STK40: variants seen among roughly 807,000 people sequenced by gnomAD.
The protein encoded by STK40 is serine/threonine kinase 40.
Under a neutral mutation model 47.9 loss-of-function variants are expected in STK40, and 13 were observed. That is an observed-to-expected ratio of 0.27 (90% CI 0.18 to 0.43). The LOEUF is 0.43. Among genes scored for constraint, STK40 ranks in the 20% least tolerant of loss-of-function variants. The pLI, the probability that STK40 is intolerant of heterozygous loss-of-function variation, is 1.00. For missense variants in STK40, 460 were observed against 595.1 expected, an observed-to-expected ratio of 0.77 and a Z score of 2.36; for synonymous variants, 225 against 243.2, an observed-to-expected ratio of 0.93 and a Z score of 0.69.
chr1:36,357,387 G>C (rs1005002057), intron 4 of STK40, among the ~76,000 whole-genome samples: 1 of 152,204 alleles, frequency 6.6e-6, no homozygotes, highest in Non-Finnish European at 1.5e-5. Flanking sequence ...TGGATGCTCA[G>C]CTGAGGAATG....
chr1:36,354,283 C>A, intron 6 of STK40, 81 bp downstream of exon 6: 2 of 1,499,522 alleles, frequency 1.3e-6, no homozygotes. Flanking sequence ...CATGAGGACA[C>A]TTCAGGGCAC....
chr1:36,377,774 C>T (rs1226831172), intron 1 of STK40, among the ~76,000 whole-genome samples: 2 of 152,106 alleles, frequency 1.3e-5, no homozygotes, highest in African/African-American at 4.8e-5. Flanking sequence ...CTGCCTGCCC[C>T]CTGGCATCCA....
chr1:36,369,493 C>A (rs1352558055), intron 1 of STK40, among the ~76,000 whole-genome samples: 1 of 152,138 alleles, frequency 6.6e-6, no homozygotes, highest in South Asian at 2.1e-4. Flanking sequence ...TTTATATGCA[C>A]CCTAAATCCA....
intron 5 of STK40, among the ~76,000 whole-genome samples, chr1:36,354,806 C>T (rs1251420960): frequency 6.6e-6 from 1 of 152,186 alleles, no homozygotes; most frequent in Non-Finnish European, 1.5e-5. Context: ...ACAGAAGCGG[C>T]ACACCGGGAA....
intron 7 of STK40, among the ~76,000 whole-genome samples, chr1:36,345,058 C>G (rs974347656): frequency 1.3e-5 from 2 of 152,238 alleles, no homozygotes; most frequent in African/African-American, 4.8e-5. Context: ...TCAGGGCAAC[C>G]TGTCCACCCA....
At chr1:36,345,476 T>C (rs1646691223) in intron 7 of STK40, among the ~76,000 whole-genome samples, 1 of 152,190 alleles carries the variant, frequency 6.6e-6, no homozygotes, top group South Asian at 2.1e-4. Flanking sequence ...GGTAGTTCTG[T>C]GGAAGATGAG....
At chr1:36,383,055 T>C (rs1005431153) in intron 1 of STK40, among the ~76,000 whole-genome samples, 5 of 152,108 alleles carry the variant, frequency 3.3e-5, no homozygotes, top group Admixed American at 3.3e-4. Flanking sequence ...TTCAAGAGAT[T>C]CTCCTGTCTC....
intron 4 of STK40, among the ~76,000 whole-genome samples, chr1:36,356,184 T>C (rs1646802313): frequency 6.6e-6 from 1 of 152,182 alleles, no homozygotes. Flanking sequence ...GCTTAGGTCA[T>C]GCACTGCCAG....
intron 2 of STK40, among the ~76,000 whole-genome samples, chr1:36,360,427 G>T (rs1646841329): frequency 6.6e-6 from 1 of 152,184 alleles, no homozygotes; most frequent in South Asian, 2.1e-4. Flanking sequence ...ATAAATTTGG[G>T]GGGCTATACA....
At chr1:36,352,724 G>A (rs1438294024) in intron 6 of STK40, among the ~76,000 whole-genome samples, 1 of 152,170 alleles carries the variant, frequency 6.6e-6, no homozygotes, top group African/African-American at 2.4e-5. Context: ...ATTGACTCAG[G>A]TGGCAGCCAC....
rs879302495 is a variant in STK40, at chr1:36,341,388, G to A, written c.*367C>T. 1.4e-4 allele frequency: 30 copies of A among 215,872 alleles called. No individual in the cohort carries two copies. The highest frequency in any genetic ancestry group is 1.1e-3 in the Admixed American group (21 of 18,756). 13.4% of individuals were successfully genotyped at this position (215,872 alleles called of 1,614,324 possible). A position where few individuals can be genotyped will look rare whatever the true frequency, so the allele number is the denominator to read the frequency against. ...GCTTATTTGGACTGTGGGGAGCAGC[G>A]CCCCAGGTCAGTTGGTGGCCGCTGG... is the stretch of plus-strand genomic sequence containing the variant. On this transcript the variant is annotated 3_prime_UTR_variant, in exon 11 of 11. Coordinates refer to ENST00000373132, the MANE Select transcript of STK40 (RefSeq NM_001282547.2).
At chr1:36,350,482 T>C (rs1483906625) in intron 6 of STK40, among the ~76,000 whole-genome samples, 2 of 152,204 alleles carry the variant, frequency 1.3e-5, no homozygotes, top group African/African-American at 4.8e-5. Context: ...GCCAGGTTCC[T>C]AGTCCTGGCT....
At chr1:36,371,856 G>A (rs1646951060) in intron 1 of STK40, among the ~76,000 whole-genome samples, 1 of 151,786 alleles carries the variant, frequency 6.6e-6, no homozygotes, top group Non-Finnish European at 1.5e-5. Context: ...AAATTAGCAG[G>A]GCGTGGCAGT....
chr1:36,342,941 C>T, intron 10 of STK40: 1 of 538,318 alleles, frequency 1.9e-6, no homozygotes, highest in Non-Finnish European at 3.3e-6. Flanking sequence ...CTGCCCCCAC[C>T]CTAGGCCCAA....
At chr1:36,361,119 TG>T in intron 2 of STK40, 101 bp downstream of exon 2, 2 of 1,382,940 alleles carry the variant, frequency 1.4e-6, no homozygotes, top group Non-Finnish European at 2.0e-6. Flanking sequence ...CTGCTGTGGG[TG>T]GGCCACCTCA....
chr1:36,356,642 G>A (rs1364335410), intron 4 of STK40, among the ~76,000 whole-genome samples: 1 of 151,938 alleles, frequency 6.6e-6, no homozygotes, highest in Non-Finnish European at 1.5e-5. Flanking sequence ...AGCCAGTATG[G>A]TCTCAATCTC....
intron 1 of STK40, among the ~76,000 whole-genome samples, chr1:36,375,533 T>C (rs1646984297): frequency 6.6e-6 from 1 of 151,440 alleles, no homozygotes; most frequent in African/African-American, 2.4e-5. Flanking sequence ...AAATGTTATG[T>C]TTCCTTCTTT....
intron 1 of STK40, among the ~76,000 whole-genome samples, chr1:36,374,440 C>T (rs972375317): frequency 6.6e-6 from 1 of 152,196 alleles, no homozygotes; most frequent in Non-Finnish European, 1.5e-5. Flanking sequence ...TCCCCATAGC[C>T]CTGAACCAGA....
At chr1:36,356,338 T>A (rs1266768327) in intron 4 of STK40, among the ~76,000 whole-genome samples, 1 of 151,878 alleles carries the variant, frequency 6.6e-6, no homozygotes, top group Non-Finnish European at 1.5e-5. Context: ...CTTGAGGAAG[T>A]CCTTGGTGTC....
Sources: allele counts gnomAD v4.1 joint callset (sites outside exome capture counted in the v4.1 genomes callset), GRCh38; gene constraint gnomAD v4.1.1; transcripts MANE v1.5; gene names NCBI Gene and HGNC (gene_info 2026-07-23, HGNC 2026-07-21).